The following ZNF680 variants were observed in gnomAD, a reference collection of about 807,000 sequenced individuals.
ZNF680 encodes the protein zinc finger protein 680.
In ZNF680, 6 loss-of-function variants were observed where a neutral mutation model predicts 12.1. The ratio of observed to expected loss-of-function variants is 0.49; its 90% CI spans 0.27 to 0.98. The LOEUF (loss-of-function observed/expected upper bound fraction) is 0.98. ZNF680 is among the 50% of genes least tolerant of loss of function. The pLI, the probability that ZNF680 is intolerant of heterozygous loss-of-function variation, is 0.12. For synonymous variants in ZNF680, 170 were observed against 199.3 expected (o/e 0.85, Z 1.24); for missense variants, 561 against 616.3 (o/e 0.91, Z 0.95).
At position 64,520,830 on chromosome 7, in the gene ZNF680, TTA is replaced by T; in HGVS notation, c.*329_*330del. The T allele has an allele frequency of 4.8e-6, 1 of 206,664 alleles. No individual in the cohort carries two copies. Among genetic ancestry groups the T allele is most frequent in the South Asian group, 8.9e-5 (1 of 11,258 alleles). The allele number at this position is 206,664 out of a possible 1,614,324, so 12.8% of individuals were successfully genotyped here. On this transcript the variant is annotated 3_prime_UTR_variant, in exon 4 of 4. Transcript: ENST00000309683. ...AAACACGCTTCTTCACTTTAAAGTG[TTA>T]TGTTTTCTGAAATTTCTTTTGACAG...
At chr7:64,539,876 G>A (rs7787566) in intron 3 of ZNF680, among the ~76,000 whole-genome samples, 45,351 of 151,728 alleles carry the variant, frequency 0.3, 7,432 homozygotes, top group African/African-American at 0.41. Context: ...TCCAAATTTT[G>A]GGCTCAAGTG....
rs577156170 is a variant in ZNF680 at position 64,554,027 on chromosome 7, C to T, written c.30+8898G>A. On this transcript the variant is annotated intron_variant, in intron 1 of 3. Transcript: ENST00000309683. ...GCCACCCCGTCTAGGAAGTGAGGAGCGTCTCTGCCTGGCCGCCCATCCTCT... is the reference window on the plus strand; with the variant it reads ...GCCACCCCGTCTAGGAAGTGAGGAGTGTCTCTGCCTGGCCGCCCATCCTCT... Among the ~76,000 whole-genome samples, 5 of 151,614 alleles carry T rather than the reference C, an allele frequency of 3.3e-5. No homozygotes were observed. The South Asian group carries it at 1.0e-3, about 32-fold the overall frequency.
chr7:64,499,119 A>G, the ZNF680 span, among the ~76,000 whole-genome samples: 1 of 152,104 alleles, frequency 6.6e-6, no homozygotes, highest in Non-Finnish European at 1.5e-5. Flanking sequence ...GGAAAGAATA[A>G]ATACATTAAA....
intron 1 of ZNF680, among the ~76,000 whole-genome samples, chr7:64,548,215 G>C (rs927581585): frequency 1.3e-5 from 2 of 152,140 alleles, no homozygotes; most frequent in African/African-American, 4.8e-5. Context: ...AATTCCTTAA[G>C]GTTTTCTAGG....
the ZNF680 span, among the ~76,000 whole-genome samples, chr7:64,514,719 A>G: frequency 6.6e-6 from 1 of 152,220 alleles, no homozygotes; most frequent in South Asian, 2.1e-4. Flanking sequence ...AATAAAAAAC[A>G]AAAGCAATGT....
chr7:64,502,050 G>A, the ZNF680 span, among the ~76,000 whole-genome samples: 3 of 143,202 alleles, frequency 2.1e-5, no homozygotes, highest in African/African-American at 5.2e-5. Flanking sequence ...TGTTGCCCAG[G>A]CTGGAGTGCA....
Position 64,521,783 on chromosome 7 carries a change from C to T in ZNF680, c.971G>A (p.Cys324Tyr), listed in dbSNP as rs1791550874. ...GTTAAAGTCTTTGCCACATTCTTCACATTTGAAGGGTTTCTCTCCAGTATG... is the reference window on the plus strand; with the variant it reads ...GTTAAAGTCTTTGCCACATTCTTCATATTTGAAGGGTTTCTCTCCAGTATG... ...RIHTGEKPFK[C>Y]EECGKDFNQF... Residue 324 changes from cysteine (C) to tyrosine (Y), a missense_variant, in exon 4 of 4, where the codon TGT (cysteine) becomes TAT (tyrosine). Cys to Tyr is a radical substitution (Grantham distance 194). Transcript: ENST00000309683. The T allele has an allele frequency of 6.2e-7, 1 of 1,613,034 alleles. No homozygotes were observed. Among genetic ancestry groups the T allele is most frequent in the Non-Finnish European group, 8.5e-7 (1 of 1,179,748 alleles).
chr7:64,543,916 T>G (rs996906856), intron 2 of ZNF680, 114 bp from the exon 3 acceptor site: 3 of 881,502 alleles, frequency 3.4e-6, no homozygotes, highest in Non-Finnish European at 5.2e-6. Flanking sequence ...TAATCCCAAA[T>G]TACTAATTTA....
At chr7:64,561,557 AT>A (rs1787734622) in intron 1 of ZNF680, among the ~76,000 whole-genome samples, 2 of 152,166 alleles carry the variant, frequency 1.3e-5, no homozygotes, top group South Asian at 4.1e-4. Context: ...CTTACAGAAA[AT>A]TTTTACAAAC....
chr7:64,508,120 A>AACGTAT, the ZNF680 span, among the ~76,000 whole-genome samples: 4 of 69,236 alleles, frequency 5.8e-5, no homozygotes, highest in African/African-American at 1.0e-4. Context: ...TATATTTTAA[A>AACGTAT]ATGTATATAT....
the ZNF680 span, among the ~76,000 whole-genome samples, chr7:64,506,046 TTA>T: frequency 6.6e-6 from 1 of 152,282 alleles, no homozygotes; most frequent in East Asian, 1.9e-4. Flanking sequence ...TGACCTAATT[TTA>T]TGAGTAATTT....
rs1005551982 is a variant in ZNF680 at position 64,539,302 on chromosome 7, G to C, written c.253+4405C>G. Among the ~76,000 whole-genome samples the C allele has an allele frequency of 6.9e-5, 9 of 130,986 alleles. No homozygotes were observed. In the Admixed American group the frequency reaches 8.0e-4, roughly 12 times the overall value. 85.9% of individuals were successfully genotyped at this position (130,986 alleles called of 152,430 possible). A position where few individuals can be genotyped will look rare whatever the true frequency, so the allele number is the denominator to read the frequency against. ...AACCTGGGAGGTAGAGGTGAGCCAAGATGGCACCACTGCGCTCCAGCCTGG... is the reference window on the plus strand; with the variant it reads ...AACCTGGGAGGTAGAGGTGAGCCAACATGGCACCACTGCGCTCCAGCCTGG... On this transcript the variant is annotated intron_variant, in intron 3 of 3. Coordinates refer to ENST00000309683, the MANE Select transcript of ZNF680 (RefSeq NM_178558.5).
chr7:64,508,710 G>C, the ZNF680 span, among the ~76,000 whole-genome samples: 2 of 152,124 alleles, frequency 1.3e-5, no homozygotes, highest in Non-Finnish European at 2.9e-5. Context: ...TCTGGCTTGG[G>C]CTATACCTCA....
At chr7:64,512,072 A>G in the ZNF680 span, among the ~76,000 whole-genome samples, 5 of 151,668 alleles carry the variant, frequency 3.3e-5, no homozygotes, top group Non-Finnish European at 7.4e-5. Flanking sequence ...AAAAAAAAAA[A>G]GCACTATTAA....
At chr7:64,504,682 G>C in the ZNF680 span, among the ~76,000 whole-genome samples, 1 of 152,110 alleles carries the variant, frequency 6.6e-6, no homozygotes, top group South Asian at 2.1e-4. Context: ...GAAAAAACTG[G>C]TATCTCTGCA....
At chr7:64,543,306 C>CA (rs1449962996) in intron 3 of ZNF680, among the ~76,000 whole-genome samples, 4 of 151,876 alleles carry the variant, frequency 2.6e-5, no homozygotes, top group Non-Finnish European at 5.9e-5. Flanking sequence ...AAAAATGAAC[C>CA]AAAAAAATGG....
chr7:64,562,832 CAGTGCTTGGAGCCT>C, intron 1 of ZNF680, 79 bp downstream of exon 1: 1 of 1,457,262 alleles, frequency 6.9e-7, no homozygotes, highest in Admixed American at 1.7e-5. Context: ...TTTTGGAGCC[CAGTGCTTGGAGCCT>C]GGAGTCCTGC....
Position 64,521,720 on chromosome 7 carries a change from G to C in ZNF680, c.1034C>G (p.Thr345Ser). Residue 345 changes from threonine to serine, a missense_variant, in exon 4 of 4, where the codon ACT (threonine) becomes AGT (serine). By Grantham distance (58) the Thr-to-Ser change is moderately conservative. Coordinates refer to ENST00000309683, the MANE Select transcript of ZNF680 (RefSeq NM_178558.5). ...TTCACATTTGTAGGGTTTCTCTCCA[G>C]TATGAATTTTCTTATGTTTAGTAAG... ...SNLTKHKKIH[T>S]GEKPYKCEEC... 2 of 1,611,532 alleles carry C rather than the reference G, an allele frequency of 1.2e-6. No individual in the cohort carries two copies. The highest frequency in any genetic ancestry group is 1.7e-6 in the Non-Finnish European group (2 of 1,179,454).
In ZNF680 at chr7:64,521,493, G is replaced by C; in HGVS notation, c.1261C>G (p.Leu421Val). 1 of 1,613,426 alleles carries C rather than the reference G, an allele frequency of 6.2e-7. No individual in the cohort carries two copies. The highest frequency in any genetic ancestry group is 8.5e-7 in the Non-Finnish European group (1 of 1,179,724). The part of the protein sequence containing the change: ...CGKAFNGCSS[L>V]TRHKRIHTRE... ...GTGTGAATTCTCTTATGTCGAGTAA[G>C]GCTGGAGCACCCATTAAAAGCTTTG... Residue 421 changes from leucine (L) to valine (V), a missense_variant, in exon 4 of 4, where the codon CTT becomes GTT. Transcript: ENST00000309683.
Sources: gnomAD v4.1 joint callset for allele counts (sites outside exome capture counted in the v4.1 genomes callset) on GRCh38, gnomAD v4.1.1 for gene constraint, MANE v1.5 for transcripts, NCBI Gene and HGNC (gene_info 2026-07-23, HGNC 2026-07-21) for gene names.